CCNY: variants seen among roughly 807,000 people sequenced by gnomAD.
The protein encoded by CCNY is cyclin-Y.
In CCNY, 19 loss-of-function variants were observed where a neutral mutation model predicts 42.8. The observed-to-expected ratio is 0.44, with a 90% confidence interval of 0.31 to 0.65. The LOEUF (loss-of-function observed/expected upper bound fraction) is 0.65. Among genes scored for constraint, CCNY ranks in the 30% least tolerant of loss-of-function variants. CCNY has a pLI of 0.07. For missense variants in CCNY, 370 were observed against 437.3 expected (o/e 0.85, Z 1.37); for synonymous variants, 165 against 162.7 (o/e 1.01, Z -0.11).
At position 35,357,447 on chromosome 10, in the gene CCNY, A is replaced by G. The variant is rs553100412; in HGVS notation, c.154+20240A>G. ...GCTGCATTCATTTAACACATAGCAA[A>G]CATTTTTTTGTATGTGTGTTTCTAG... On this transcript the variant is annotated intron_variant, in intron 1 of 9. Transcript: ENST00000374704. Among the ~76,000 whole-genome samples the G allele has an allele frequency of 5.3e-5, 8 of 152,330 alleles. No homozygotes were observed. In the East Asian group the frequency reaches 1.2e-3, roughly 22 times the overall value.
chr10:35,411,542 G>T (rs1297774037), intron 1 of CCNY, among the ~76,000 whole-genome samples: 6 of 142,746 alleles, frequency 4.2e-5, no homozygotes, highest in Admixed American at 2.8e-4. Context: ...AAAAGATTTA[G>T]CAGTGATACA....
intron 1 of CCNY, among the ~76,000 whole-genome samples, chr10:35,337,731 C>A (rs538100408): frequency 1.5e-5 from 2 of 129,176 alleles, no homozygotes; most frequent in African/African-American, 6.0e-5. Context: ...CCCATTCTAC[C>A]GTTTTTTTTA....
At chr10:35,410,876 GGTCT>G (rs1319947033) in intron 1 of CCNY, among the ~76,000 whole-genome samples, 3 of 152,170 alleles carry the variant, frequency 2.0e-5, no homozygotes. Flanking sequence ...TGATGTCGCT[GGTCT>G]AGAGAACTAC....
chr10:35,343,211 C>G (rs1836223858), intron 1 of CCNY, among the ~76,000 whole-genome samples: 1 of 151,682 alleles, frequency 6.6e-6, no homozygotes, highest in South Asian at 2.1e-4. Context: ...ACCATGTTGG[C>G]CAGGCTGGTC....
At chr10:35,409,342 G>C (rs538961989) in intron 1 of CCNY, among the ~76,000 whole-genome samples, 72 of 152,320 alleles carry the variant, frequency 4.7e-4, no homozygotes, top group African/African-American at 1.6e-3. Flanking sequence ...TTCAGATCCT[G>C]TTCCTGGGAG....
intron 1 of CCNY, among the ~76,000 whole-genome samples, chr10:35,432,341 G>T (rs897260146): frequency 1.3e-5 from 2 of 152,316 alleles, no homozygotes; most frequent in East Asian, 3.9e-4. Context: ...TTATACCAAA[G>T]AACCTAAGAG....
At chr10:35,332,960 G>A (rs1835963940), upstream of CCNY, among the ~76,000 whole-genome samples, 1 of 152,162 alleles carries the variant, frequency 6.6e-6, no homozygotes, top group African/African-American at 2.4e-5. Flanking sequence ...CAGTGATCAT[G>A]GAGAAAGATG....
intron 3 of CCNY, among the ~76,000 whole-genome samples, chr10:35,297,258 A>T (rs1489181827): frequency 6.6e-6 from 1 of 152,236 alleles, no homozygotes; most frequent in African/African-American, 2.4e-5. Context: ...AACAAAAAGC[A>T]TAATGATCTC....
intron 1 of CCNY, among the ~76,000 whole-genome samples, chr10:35,477,730 G>C (rs551799173): frequency 6.6e-6 from 1 of 151,994 alleles, no homozygotes. Context: ...ACTGGCACAA[G>C]ACAGGGATGC....
At chr10:35,516,663 T>A in intron 4 of CCNY, 40 bp downstream of exon 4, 5 of 198,456 alleles carry the variant, frequency 2.5e-5, no homozygotes, top group East Asian at 2.9e-4. Context: ...CTTCCTTCCT[T>A]TTTTTTTTTT....
chr10:35,265,287 G>A (rs139882254), intron 3 of CCNY, among the ~76,000 whole-genome samples: 439 of 152,176 alleles, frequency 2.9e-3, no homozygotes, highest in African/African-American at 0.01. Flanking sequence ...AAATAATTCC[G>A]GCATCTTACG....
At chr10:35,503,414 C>T (rs935423147) in intron 3 of CCNY, among the ~76,000 whole-genome samples, 2 of 152,176 alleles carry the variant, frequency 1.3e-5, no homozygotes, top group African/African-American at 4.8e-5. Context: ...AAACTGTGAA[C>T]AGACCTCGCT....
chr10:35,298,217 C>T (rs1332604492), intron 3 of CCNY, among the ~76,000 whole-genome samples: 1 of 152,098 alleles, frequency 6.6e-6, no homozygotes, highest in Non-Finnish European at 1.5e-5. Context: ...TTTAGGTGCA[C>T]CTTTCAATGA....
intron 2 of CCNY, among the ~76,000 whole-genome samples, chr10:35,493,666 A>AAC (rs1839947545): frequency 6.6e-6 from 1 of 152,220 alleles, no homozygotes; most frequent in Non-Finnish European, 1.5e-5. Context: ...GCTTAGATCC[A>AAC]ACACTCTCCA....
chr10:35,290,329 T>C (rs957450282), intron 3 of CCNY, among the ~76,000 whole-genome samples: 3 of 151,166 alleles, frequency 2.0e-5, no homozygotes, highest in Non-Finnish European at 2.9e-5. Context: ...AGGCATGGAC[T>C]CACTTGAGCC....
chr10:35,553,753 G>T (rs1339154473), intron 8 of CCNY, among the ~76,000 whole-genome samples: 3 of 152,148 alleles, frequency 2.0e-5, no homozygotes, highest in African/African-American at 7.2e-5. Flanking sequence ...CGCCCTTGGG[G>T]GTTGTGGGGA....
chr10:35,305,097 T>G (rs866364408), intron 3 of CCNY, among the ~76,000 whole-genome samples: 8 of 152,214 alleles, frequency 5.3e-5, no homozygotes, highest in Admixed American at 1.3e-4. Context: ...TGACATTGCT[T>G]GGAGAAAACC....
chr10:35,406,963 T>C (rs1837793001), intron 1 of CCNY, among the ~76,000 whole-genome samples: 1 of 152,100 alleles, frequency 6.6e-6, no homozygotes, highest in South Asian at 2.1e-4. Context: ...AAAATGCATA[T>C]TGAAAATAAG....
intron 1 of CCNY, among the ~76,000 whole-genome samples, chr10:35,423,159 T>A (rs986646878): frequency 1.3e-5 from 2 of 152,164 alleles, no homozygotes; most frequent in Admixed American, 6.5e-5. Flanking sequence ...CACTTTTTTT[T>A]ATAGAGTCTT....
Sources: allele counts gnomAD v4.1 joint callset (sites outside exome capture counted in the v4.1 genomes callset), GRCh38; gene constraint gnomAD v4.1.1; transcripts MANE v1.5; gene names NCBI Gene and HGNC (gene_info 2026-07-23, HGNC 2026-07-21).